The following IPO5 variants were observed in gnomAD, a reference collection of about 807,000 sequenced individuals.
IPO5 encodes importin-5.
Under a neutral mutation model 143.3 loss-of-function variants are expected in IPO5, and 18 were observed. The ratio of observed to expected loss-of-function variants is 0.13; its 90% CI spans 0.09 to 0.19. IPO5 has a LOEUF of 0.19. IPO5 is among the 10% of genes least tolerant of loss of function. IPO5 has a pLI of 1.00. For missense variants in IPO5, 1,013 were observed against 1,336.9 expected, an observed-to-expected ratio of 0.76 and a Z score of 3.78; for synonymous variants, 477 against 465.7, an observed-to-expected ratio of 1.02 and a Z score of -0.31.
At chr13:98,020,850 G>A (rs1229754174) in intron 27 of IPO5, 142 bp from the exon 28 acceptor site, 4 of 597,990 alleles carry the variant, frequency 6.7e-6, no homozygotes, top group Non-Finnish European at 1.1e-5. Flanking sequence ...TCTAATTTAT[G>A]TAGAAAGAAA....
chr13:98,003,781 A>G (rs1888988757), intron 16 of IPO5, among the ~76,000 whole-genome samples: 1 of 152,076 alleles, frequency 6.6e-6, no homozygotes, highest in African/African-American at 2.4e-5. Flanking sequence ...CGGGAGGCAG[A>G]GGTTGCAGTG....
intron 11 of IPO5, among the ~76,000 whole-genome samples, chr13:97,996,058 G>C (rs143685902): frequency 6.6e-6 from 1 of 152,260 alleles, no homozygotes; most frequent in East Asian, 1.9e-4. Flanking sequence ...GTTATCTAGA[G>C]AATACACAAA....
At chr13:97,962,761 G>A (rs138397634) in intron 2 of IPO5, among the ~76,000 whole-genome samples, 3,034 of 151,888 alleles carry the variant, frequency 0.02, 53 homozygotes, top group Middle Eastern at 0.041. Flanking sequence ...AGAGGTTGCA[G>A]TGAGCCAAGA....
intron 11 of IPO5, among the ~76,000 whole-genome samples, chr13:97,995,793 T>C (rs936949214): frequency 1.3e-5 from 2 of 151,998 alleles, no homozygotes; most frequent in African/African-American, 4.8e-5. Context: ...TGGGGTCTAC[T>C]CAAGACCTGA....
intron 2 of IPO5, among the ~76,000 whole-genome samples, chr13:97,955,594 TC>T (rs1884400092): frequency 6.6e-6 from 1 of 152,122 alleles, no homozygotes; most frequent in Non-Finnish European, 1.5e-5. Context: ...TATCCACCAC[TC>T]TACCACAACC....
In IPO5 at chr13:98,016,718, G is replaced by A. The variant is rs749057116; in HGVS notation, c.2494-11G>A. Reference sequence around the variant, plus strand: ...AATCCATATGAGTGTTTATGTGTATGTTTTTTTTAGGATGATAATGATGTT... The same window carrying A: ...AATCCATATGAGTGTTTATGTGTATATTTTTTTTAGGATGATAATGATGTT... On this transcript the variant is annotated splice_polypyrimidine_tract_variant and intron_variant, in intron 24 of 28. Coordinates refer to ENST00000651721, the MANE Select transcript of IPO5 (RefSeq NM_002271.6). 2 of 1,348,638 alleles carry A rather than the reference G, an allele frequency of 1.5e-6. No individual in the cohort carries two copies. The highest frequency in any genetic ancestry group is 5.0e-5 in the Admixed American group (2 of 40,216). 83.5% of individuals were successfully genotyped at this position (1,348,638 alleles called of 1,614,324 possible).
intron 6 of IPO5, among the ~76,000 whole-genome samples, chr13:97,988,542 C>CTTTGGAAGGCCAAGGCA (rs1171995943): frequency 6.6e-6 from 1 of 152,230 alleles, no homozygotes; most frequent in Non-Finnish European, 1.5e-5. Flanking sequence ...AATCCTAGTA[C>CTTTGGAAGGCCAAGGCA]TTTGGAAGGC....
At chr13:97,982,634 G>C in intron 5 of IPO5, 51 bp downstream of exon 5, 1 of 1,133,682 alleles carries the variant, frequency 8.8e-7, no homozygotes, top group Non-Finnish European at 1.3e-6. Flanking sequence ...TAAGTTATTA[G>C]ATGATGATCA....
intron 11 of IPO5, among the ~76,000 whole-genome samples, chr13:97,995,686 C>T (rs1012702256): frequency 2.0e-5 from 3 of 151,926 alleles, no homozygotes; most frequent in Admixed American, 2.0e-4. Context: ...ACCCGGGAGG[C>T]AGAGCTTGCA....
intron 9 of IPO5, among the ~76,000 whole-genome samples, chr13:97,992,549 A>C (rs1887891438): frequency 1.3e-5 from 2 of 152,150 alleles, no homozygotes; most frequent in Non-Finnish European, 2.9e-5. Flanking sequence ...ACAGAGCGAG[A>C]CCTTATCACT....
At chr13:98,009,382 T>C (rs1452235979) in intron 18 of IPO5, among the ~76,000 whole-genome samples, 1 of 152,196 alleles carries the variant, frequency 6.6e-6, no homozygotes, top group African/African-American at 2.4e-5. Context: ...GTTTTAAATA[T>C]ACTCAGCCAC....
chr13:98,023,965 G>T lies in IPO5; in HGVS notation c.*2143G>T, dbSNP rs1030532854. The T allele has an allele frequency of 9.9e-5, 15 of 152,144 alleles. No individual in the cohort carries two copies. The highest frequency in any genetic ancestry group is 3.4e-4 in the African/African-American group (14 of 41,438). 9.4% of individuals were successfully genotyped at this position (152,144 alleles called of 1,614,324 possible). ...TGTCTATGCAAGATGAAAATCCATG[G>T]AGTTTTTTCTTGGCTTTTGTACCAA... On this transcript the variant is annotated 3_prime_UTR_variant, in exon 29 of 29. Coordinates refer to ENST00000651721, the MANE Select transcript of IPO5 (RefSeq NM_002271.6).
chr13:97,974,739 A>T (rs1326174903), intron 3 of IPO5, among the ~76,000 whole-genome samples: 6 of 152,102 alleles, frequency 3.9e-5, no homozygotes, highest in Admixed American at 2.6e-4. Flanking sequence ...AGTAATGTGC[A>T]TAGTGGTTTG....
chr13:97,995,844 G>A (rs1888239514), intron 11 of IPO5, among the ~76,000 whole-genome samples: 1 of 152,084 alleles, frequency 6.6e-6, no homozygotes, highest in Non-Finnish European at 1.5e-5. Context: ...AAAGTTAAGG[G>A]CTAAATATTA....
chr13:97,977,024 C>A, intron 4 of IPO5: 1 of 206,484 alleles, frequency 4.8e-6, no homozygotes, highest in Non-Finnish European at 1.0e-5. Flanking sequence ...CGCTCGCACC[C>A]ACGTGCGGCC....
chr13:97,998,831 T>C (rs988811013), intron 12 of IPO5, among the ~76,000 whole-genome samples: 1 of 152,174 alleles, frequency 6.6e-6, no homozygotes, highest in South Asian at 2.1e-4. Flanking sequence ...TGCATTATAC[T>C]ACCACCTTTT....
chr13:97,953,943 G>A lies in IPO5; in HGVS notation c.-192-176G>A, dbSNP rs1429863439. 6.6e-6 allele frequency: 3 copies of A among 455,830 alleles called. No individual in the cohort carries two copies. The East Asian group carries it at 2.1e-4, about 32-fold the overall frequency. 28.2% of individuals were successfully genotyped at this position (455,830 alleles called of 1,614,324 possible). A position where few individuals can be genotyped will look rare whatever the true frequency, so the allele number is the denominator to read the frequency against. ...CAAAAACCAAGTATGAAACAATGACGATTTCATGATGGCTCATTGTTCTTT... is the reference window on the plus strand; with the variant it reads ...CAAAAACCAAGTATGAAACAATGACAATTTCATGATGGCTCATTGTTCTTT... On this transcript the variant is annotated intron_variant, in intron 1 of 28. Transcript: ENST00000651721.
At chr13:97,993,873 G>A (rs1417387876) in intron 11 of IPO5, among the ~76,000 whole-genome samples, 1 of 152,204 alleles carries the variant, frequency 6.6e-6, no homozygotes, top group Non-Finnish European at 1.5e-5. Flanking sequence ...CCTACCTTTT[G>A]TCTTACACTG....
At chr13:98,000,154 G>A (rs1303286826) in intron 12 of IPO5, among the ~76,000 whole-genome samples, 4 of 151,964 alleles carry the variant, frequency 2.6e-5, no homozygotes, top group Non-Finnish European at 5.9e-5. Flanking sequence ...GCGTGGTGGC[G>A]GGCACCTGTA....
Sources: allele counts gnomAD v4.1 joint callset (sites outside exome capture counted in the v4.1 genomes callset), GRCh38; gene constraint gnomAD v4.1.1; transcripts MANE v1.5; gene names NCBI Gene and HGNC (gene_info 2026-07-23, HGNC 2026-07-21).